Variants in ADAMTS5 observed in about 807,000 individuals in gnomAD.
ADAMTS5 encodes A disintegrin and metalloproteinase with thrombospondin motifs 5.
In ADAMTS5, 54 loss-of-function variants were observed where a neutral mutation model predicts 81.4. The ratio of observed to expected loss-of-function variants is 0.66; its 90% confidence interval spans 0.53 to 0.83. ADAMTS5 has a LOEUF of 0.83. ADAMTS5 is among the 40% of genes least tolerant of loss of function. The pLI is 0.00. For missense variants in ADAMTS5, 1,194 were observed against 1,229.9 expected (o/e 0.97, Z 0.44); for synonymous variants, 532 against 508.8 (o/e 1.05, Z -0.61).
rs1190201005 is a variant in ADAMTS5 at position 26,966,329 on chromosome 21, G to A, written c.63C>T (p.Gly21=). ...TATCCTGGGCAGGTGTCGCGGCGGG[G>A]CCGACCGCGGCCAGGGGCAGGCGGA... The part of the protein sequence containing the change: ...CAFRLPLAAV[G]PAATPAQDKA... The change falls in exon 1 of 8, where the codon GGC becomes GGT. Residue 21 remains glycine (G), a synonymous_variant. Transcript: ENST00000284987. The A allele has an allele frequency of 2.0e-6, 3 of 1,508,506 alleles. No individual in the cohort carries two copies. In the South Asian group the frequency reaches 3.7e-5, roughly 19 times the overall value. 93.4% of individuals were successfully genotyped at this position (1,508,506 alleles called of 1,614,324 possible).
intron 1 of ADAMTS5, among the ~76,000 whole-genome samples, chr21:26,958,632 G>A (rs758638295): frequency 6.6e-6 from 1 of 152,178 alleles, no homozygotes; most frequent in Non-Finnish European, 1.5e-5. Flanking sequence ...AGATCCAGAC[G>A]TGTTTATTCC....
intron 3 of ADAMTS5, among the ~76,000 whole-genome samples, chr21:26,938,679 G>A (rs901876478): frequency 2.0e-5 from 3 of 152,058 alleles, no homozygotes; most frequent in Admixed American, 2.0e-4. Context: ...ACAGGCATGC[G>A]CCAACATGCC....
intron 3 of ADAMTS5, among the ~76,000 whole-genome samples, chr21:26,939,003 C>T (rs1465630349): frequency 6.6e-6 from 1 of 152,184 alleles, no homozygotes. Flanking sequence ...TCCGAAGAAG[C>T]CTAACACCAC....
intron 1 of ADAMTS5, among the ~76,000 whole-genome samples, chr21:26,958,965 G>C (rs1987477348): frequency 6.6e-6 from 1 of 152,210 alleles, no homozygotes; most frequent in Non-Finnish European, 1.5e-5. Context: ...AAAAGGCAGA[G>C]TCTTTTGGGA....
At chr21:26,954,698 A>AGTGTTTGATTTG in intron 2 of ADAMTS5, 41 bp downstream of exon 2, 1 of 1,607,434 alleles carries the variant, frequency 6.2e-7, no homozygotes, top group East Asian at 2.2e-5. Flanking sequence ...AGCTGTTACA[A>AGTGTTTGATTTG]GTGTTTGATT....
intron 3 of ADAMTS5, among the ~76,000 whole-genome samples, chr21:26,939,331 A>G (rs942289047): frequency 6.6e-6 from 1 of 152,236 alleles, no homozygotes; most frequent in Non-Finnish European, 1.5e-5. Flanking sequence ...TTTTAAAAAT[A>G]TAAGTCACCG....
chr21:26,947,524 C>T lies in ADAMTS5; in HGVS notation c.1238-3977G>A, dbSNP rs190807528. On this transcript the variant is annotated intron_variant, in intron 2 of 7. Coordinates refer to ENST00000284987, the MANE Select transcript of ADAMTS5 (RefSeq NM_007038.5). ...TCTCTGCTCACTGCAATCTCCACCTCCCGGGTTCAAGTGATTCTCCTGCCT... is the reference window on the plus strand; with the variant it reads ...TCTCTGCTCACTGCAATCTCCACCTTCCGGGTTCAAGTGATTCTCCTGCCT... Among the ~76,000 whole-genome samples, 844 of 152,014 alleles carry T rather than the reference C, an allele frequency of 5.6e-3. 6 individuals are homozygous for T. The highest frequency in any genetic ancestry group is 0.019 in the African/African-American group (804 of 41,460).
chr21:26,966,270 G>A lies in ADAMTS5; in HGVS notation c.122C>T (p.Ala41Val). The A allele has an allele frequency of 1.9e-6, 3 of 1,574,054 alleles. No individual in the cohort carries two copies. The South Asian group carries it at 3.4e-5, about 18-fold the overall frequency. ...AGQPPTAAAA[A>V]QPRRRQGEEV... ...CTCCCCCTGCCGCCGGCGGGGCTGG[G>A]CGGCTGCTGCAGCAGTCGGAGGCTG... Residue 41 changes from alanine to valine, a missense_variant, in exon 1 of 8, where the codon GCC becomes GTC. Coordinates refer to ENST00000284987, the MANE Select transcript of ADAMTS5 (RefSeq NM_007038.5).
intron 2 of ADAMTS5, among the ~76,000 whole-genome samples, chr21:26,950,549 A>G (rs183364241): frequency 1.6e-3 from 245 of 152,358 alleles, no homozygotes; most frequent in Non-Finnish European, 1.3e-3. Context: ...TTACATGCAT[A>G]TAACACAAGA....
chr21:26,919,780 G>A lies in ADAMTS5; in HGVS notation c.*4273C>T, dbSNP rs186978268. 1 of 152,128 alleles carries A rather than the reference G, an allele frequency of 6.6e-6. No individual in the cohort carries two copies. The highest frequency in any genetic ancestry group is 1.9e-4 in the East Asian group (1 of 5,164). 9.4% of individuals were successfully genotyped at this position (152,128 alleles called of 1,614,324 possible). On this transcript the variant is annotated 3_prime_UTR_variant, in exon 8 of 8. Coordinates refer to ENST00000284987, the MANE Select transcript of ADAMTS5 (RefSeq NM_007038.5). ...AGGATTCTTAGGAAGATTTTTCAAT[G>A]TACTAGCCAGTTAAGTTGATCTATC...
At position 26,924,359 on chromosome 21, in the gene ADAMTS5, A is replaced by G. The variant is rs1986764811; in HGVS notation, c.2487T>C (p.Ile829=). 1 of 1,614,132 alleles carries G rather than the reference A, an allele frequency of 6.2e-7. No individual in the cohort carries two copies. The highest frequency in any genetic ancestry group is 8.5e-7 in the Non-Finnish European group (1 of 1,179,994). ...CTGTTGCAAGAATCTGCACTATTAGAATTTCCTTCGTGGCAGAGTAGCCCA... is the reference window on the plus strand; with the variant it reads ...CTGTTGCAAGAATCTGCACTATTAGGATTTCCTTCGTGGCAGAGTAGCCCA... ...HGMGYSATKE[I]LIVQILATDP... The change falls in exon 8 of 8, where the codon ATT becomes ATC. Residue 829 remains isoleucine (I), a synonymous_variant. Transcript: ENST00000284987.
chr21:26,961,965 A>G (rs1298661584), intron 1 of ADAMTS5, among the ~76,000 whole-genome samples: 2 of 152,204 alleles, frequency 1.3e-5, no homozygotes, highest in Non-Finnish European at 2.9e-5. Flanking sequence ...GGTCCCAGCA[A>G]TCTAAGGCAG....
At chr21:26,959,022 A>T (rs1987478176) in intron 1 of ADAMTS5, among the ~76,000 whole-genome samples, 1 of 152,186 alleles carries the variant, frequency 6.6e-6, no homozygotes, top group Non-Finnish European at 1.5e-5. Context: ...TGTTGAGCAG[A>T]GGGCTAGCAG....
chr21:26,932,700 C>CA (rs199880148), intron 5 of ADAMTS5, among the ~76,000 whole-genome samples, 161 bp downstream of exon 5: 75 of 148,244 alleles, frequency 5.1e-4, no homozygotes, highest in African/African-American at 1.6e-3. Flanking sequence ...GACTCCATCT[C>CA]AAAAAAAAAC....
intron 7 of ADAMTS5, among the ~76,000 whole-genome samples, chr21:26,927,026 C>G (rs1280195703): frequency 6.6e-6 from 1 of 152,102 alleles, no homozygotes; most frequent in East Asian, 1.9e-4. Context: ...AGATGATTCT[C>G]TTGATATTCC....
intron 1 of ADAMTS5, among the ~76,000 whole-genome samples, chr21:26,956,368 G>GC (rs1987427513): frequency 6.6e-6 from 1 of 152,194 alleles, no homozygotes; most frequent in African/African-American, 2.4e-5. Context: ...GGAAATCTCA[G>GC]CCAAGTAGCC....
At position 26,919,341 on chromosome 21, in the gene ADAMTS5, G is replaced by T. The variant is rs926848648; in HGVS notation, c.*4712C>A. The T allele has an allele frequency of 6.7e-6, 1 of 149,822 alleles. No individual in the cohort carries two copies. The highest frequency in any genetic ancestry group is 2.5e-5 in the African/African-American group (1 of 40,712). The allele number at this position is 149,822 out of a possible 1,614,324, so 9.3% of individuals were successfully genotyped here. A position where few individuals can be genotyped will look rare whatever the true frequency, so the allele number is the denominator to read the frequency against. ...GGGCCACTGCTCGTTTTTTCCATTT[G>T]ACCTTTACAGTCCACATGGTCCAGT... is the stretch of plus-strand genomic sequence containing the variant. On this transcript the variant is annotated 3_prime_UTR_variant, in exon 8 of 8. Coordinates refer to ENST00000284987, the MANE Select transcript of ADAMTS5 (RefSeq NM_007038.5).
At chr21:26,932,756 G>T in intron 5 of ADAMTS5, 105 bp downstream of exon 5, 2 of 1,255,594 alleles carry the variant, frequency 1.6e-6, no homozygotes, top group Non-Finnish European at 2.2e-6. Flanking sequence ...GTGGAACTGT[G>T]CAGTATAAGA....
intron 3 of ADAMTS5, among the ~76,000 whole-genome samples, chr21:26,941,638 A>C (rs1333336811): frequency 6.6e-6 from 1 of 152,126 alleles, no homozygotes; most frequent in Non-Finnish European, 1.5e-5. Flanking sequence ...AGCCATAAGT[A>C]TTTGCTGCCT....
Sources: gnomAD v4.1 joint callset for allele counts (sites outside exome capture counted in the v4.1 genomes callset) on GRCh38, gnomAD v4.1.1 for gene constraint, MANE v1.5 for transcripts, NCBI Gene and HGNC (gene_info 2026-07-23, HGNC 2026-07-21) for gene names.